The following CTHRC1 variants were observed in gnomAD, a reference collection of about 807,000 sequenced individuals.
CTHRC1 encodes collagen triple helix repeat containing 1, also known as collagen triple helix repeat-containing protein 1.
A neutral mutation model predicts 25.9 loss-of-function variants in CTHRC1; 21 were observed. The ratio of observed to expected loss-of-function variants is 0.81; its 90% CI spans 0.57 to 1.17. The LOEUF is 1.17. Ranked by LOEUF, CTHRC1 falls within the 50% of genes most tolerant of loss-of-function variation. The pLI, the probability that CTHRC1 is intolerant of heterozygous loss-of-function variation, is 0.00. For missense variants in CTHRC1, 281 were observed against 304.3 expected, an observed-to-expected ratio of 0.92 and a Z score of 0.57; for synonymous variants, 109 against 113.1, an observed-to-expected ratio of 0.96 and a Z score of 0.23.
At chr8:103,379,335 G>A (rs1815863762) in intron 3 of CTHRC1, among the ~76,000 whole-genome samples, 1 of 151,994 alleles carries the variant, frequency 6.6e-6, no homozygotes, top group Admixed American at 6.6e-5. Flanking sequence ...CTGCAACTTT[G>A]AACACTTGGC....
chr8:103,372,727 G>C, intron 1 of CTHRC1: 2 of 1,361,760 alleles, frequency 1.5e-6, no homozygotes, highest in Non-Finnish European at 2.0e-6. Context: ...AGGTTCTCTG[G>C]CCTGTGGTAT....
At chr8:103,375,704 G>A (rs905171722) in intron 1 of CTHRC1, 34 bp from the exon 2 acceptor site, 2 of 1,552,606 alleles carry the variant, frequency 1.3e-6, no homozygotes, top group Admixed American at 1.7e-5. Context: ...CTTAAGTGGT[G>A]AGAGTTTTCT....
In CTHRC1 at chr8:103,372,932, T is replaced by C. The variant is rs151038767; in HGVS notation, c.150+1126T>C. Among the ~76,000 whole-genome samples the C allele has an allele frequency of 2.2e-4, 33 of 152,306 alleles. No homozygotes were observed. In the East Asian group the frequency reaches 6.2e-3, roughly 28 times the overall value. ...CCAAGTTCCCTGGCAGCTAGTTCTG[T>C]ATTGGATTCAAAAGTGCTGGGAAAA... On this transcript the variant is annotated intron_variant, in intron 1 of 3. Transcript: ENST00000330295.
rs1339488602 is a variant in CTHRC1, at chr8:103,382,776, A to G, written c.*176A>G. ...AATCTAGCATTATTCATTTTGCTTC[A>G]ATCAAAAGTGGTTTCAATATTTTTT... On this transcript the variant is annotated 3_prime_UTR_variant, in exon 4 of 4. Transcript: ENST00000330295. The G allele has an allele frequency of 3.0e-6, 2 of 677,720 alleles. No homozygotes were observed. The highest frequency in any genetic ancestry group is 1.8e-5 in the African/African-American group (1 of 56,054). 42.0% of individuals were successfully genotyped at this position (677,720 alleles called of 1,614,324 possible). A position where few individuals can be genotyped will look rare whatever the true frequency, so the allele number is the denominator to read the frequency against.
At chr8:103,377,881 GGTATGA>G in intron 2 of CTHRC1, 140 bp from the exon 3 acceptor site, 1 of 727,316 alleles carries the variant, frequency 1.4e-6, no homozygotes, top group Non-Finnish European at 2.4e-6. Flanking sequence ...TGGGATTACA[GGTATGA>G]GCCACCACAC....
At chr8:103,372,338 C>A in intron 1 of CTHRC1, 1 of 934,894 alleles carries the variant, frequency 1.1e-6, no homozygotes, top group Non-Finnish European at 1.5e-6. Flanking sequence ...CTCTTTGTAA[C>A]TTGAAGACTA....
rs577916531 is a variant in CTHRC1, at chr8:103,382,942, T to G, written c.*342T>G. 158 of 181,174 alleles carry G rather than the reference T, an allele frequency of 8.7e-4. No individual in the cohort carries two copies. Among genetic ancestry groups the G allele is most frequent in the African/African-American group, 3.7e-3 (154 of 41,964 alleles). The allele number at this position is 181,174 out of a possible 1,614,324, so 11.2% of individuals were successfully genotyped here. ...TACCAATCTTTGTACAATTTGTAAA[T>G]GTTAAGAATTTTTTTTATATCTGTT... On this transcript the variant is annotated 3_prime_UTR_variant, in exon 4 of 4. Transcript: ENST00000330295.
chr8:103,373,984 C>T (rs1815759844), intron 1 of CTHRC1, among the ~76,000 whole-genome samples: 1 of 152,100 alleles, frequency 6.6e-6, no homozygotes, highest in Non-Finnish European at 1.5e-5. Context: ...GTCTAAAACA[C>T]ACCAAACTAT....
intron 3 of CTHRC1, among the ~76,000 whole-genome samples, chr8:103,379,518 C>T (rs935992964): frequency 6.6e-6 from 1 of 151,880 alleles, no homozygotes; most frequent in Non-Finnish European, 1.5e-5. Flanking sequence ...AGAGACACCA[C>T]TATCAATATT....
At chr8:103,381,492 G>A (rs931918917) in intron 3 of CTHRC1, among the ~76,000 whole-genome samples, 1 of 146,992 alleles carries the variant, frequency 6.8e-6, no homozygotes, top group Non-Finnish European at 1.5e-5. Flanking sequence ...GAAGACTTTG[G>A]TAAGATGGAA....
At position 103,382,914 on chromosome 8, in the gene CTHRC1, A is replaced by C. The variant is rs1176222214; in HGVS notation, c.*314A>C. ...TATAGCATTTTTAAAAAAATATAAA[A>C]GCTACCAATCTTTGTACAATTTGTA... On this transcript the variant is annotated 3_prime_UTR_variant, in exon 4 of 4. Transcript: ENST00000330295. 1 of 216,346 alleles carries C rather than the reference A, an allele frequency of 4.6e-6. No homozygotes were observed. The highest frequency in any genetic ancestry group is 9.3e-6 in the Non-Finnish European group (1 of 107,126). The allele number at this position is 216,346 out of a possible 1,614,324, so 13.4% of individuals were successfully genotyped here.
chr8:103,371,860 C>T (rs116193689), intron 1 of CTHRC1, 54 bp downstream of exon 1: 2 of 1,446,544 alleles, frequency 1.4e-6, no homozygotes, highest in East Asian at 5.5e-5. Flanking sequence ...GGGACCTGGC[C>T]GCGCGCCCCA....
chr8:103,378,893 T>A (rs1438023291), intron 3 of CTHRC1, among the ~76,000 whole-genome samples: 1 of 151,892 alleles, frequency 6.6e-6, no homozygotes, highest in Non-Finnish European at 1.5e-5. Flanking sequence ...CTATGGAGGC[T>A]GAGGTGGGAG....
rs745324993 is a variant in CTHRC1, at chr8:103,378,290, G to A, written c.589+47G>A. ...CAAGATGTGCCTCAGATCTAAGTAA[G>A]ATTAGTTTTGAGTCCCACTATCATG... On this transcript the variant is annotated intron_variant, in intron 3 of 3. Coordinates refer to ENST00000330295, the MANE Select transcript of CTHRC1 (RefSeq NM_138455.4). The A allele has an allele frequency of 2.7e-6, 4 of 1,491,758 alleles. No individual in the cohort carries two copies. In the African/African-American group the frequency reaches 5.5e-5, roughly 21 times the overall value. The allele number at this position is 1,491,758 out of a possible 1,614,324, so 92.4% of individuals were successfully genotyped here.
Position 103,378,191 on chromosome 8 carries a change from C to T in CTHRC1, c.537C>T (p.Asp179=), listed in dbSNP as rs1406564437. Residue 179 remains aspartate (D), a synonymous_variant, in exon 3 of 4, where the codon GAC becomes GAT. Transcript: ENST00000330295. The part of the protein sequence containing the change: ...PLPIEAIIYL[D]QGSPEMNSTI... ...CCATTGAAGCTATAATTTATTTGGA[C>T]CAAGGAAGCCCTGAAATGAATTCAA... 6.2e-6 allele frequency: 10 copies of T among 1,613,954 alleles called. No homozygotes were observed. In the Admixed American group the frequency reaches 1.7e-4, roughly 27 times the overall value.
In CTHRC1 at chr8:103,382,900, T is replaced by A. The variant is rs541312925; in HGVS notation, c.*300T>A. 1.2e-4 allele frequency: 28 copies of A among 225,958 alleles called. No homozygotes were observed. Among genetic ancestry groups the A allele is most frequent in the Admixed American group, 7.3e-4 (14 of 19,066 alleles). 14.0% of individuals were successfully genotyped at this position (225,958 alleles called of 1,614,324 possible). A position where few individuals can be genotyped will look rare whatever the true frequency, so the allele number is the denominator to read the frequency against. ...GTTTTTTCTCTTAGTATAGCATTTT[T>A]AAAAAAATATAAAAGCTACCAATCT... is the stretch of plus-strand genomic sequence containing the variant. On this transcript the variant is annotated 3_prime_UTR_variant, in exon 4 of 4. Coordinates refer to ENST00000330295, the MANE Select transcript of CTHRC1 (RefSeq NM_138455.4).
intron 3 of CTHRC1, among the ~76,000 whole-genome samples, chr8:103,381,969 G>A (rs1815919391): frequency 1.3e-5 from 2 of 151,704 alleles, no homozygotes; most frequent in South Asian, 4.2e-4. Flanking sequence ...GTGCACTCCA[G>A]CCTGGGTGAC....
At chr8:103,380,343 G>A (rs1815885486) in intron 3 of CTHRC1, among the ~76,000 whole-genome samples, 1 of 152,174 alleles carries the variant, frequency 6.6e-6, no homozygotes, top group Admixed American at 6.5e-5. Flanking sequence ...GTGATCAGTT[G>A]GGTGGAGTGT....
At chr8:103,378,490 T>C (rs568744995) in intron 3 of CTHRC1, among the ~76,000 whole-genome samples, 1 of 152,330 alleles carries the variant, frequency 6.6e-6, no homozygotes, top group South Asian at 2.1e-4. Context: ...GCTTCTGTGT[T>C]TTTTAAAAGA....
Sources: gnomAD v4.1 joint callset for allele counts (sites outside exome capture counted in the v4.1 genomes callset) on GRCh38, gnomAD v4.1.1 for gene constraint, MANE v1.5 for transcripts, NCBI Gene and HGNC (gene_info 2026-07-23, HGNC 2026-07-21) for gene names.